Variants in SH3KBP1 observed in about 807,000 individuals in gnomAD.
SH3KBP1 encodes the protein SH3 domain-containing kinase-binding protein 1.
A neutral mutation model predicts 50.1 loss-of-function variants in SH3KBP1; 8 were observed. That is an observed-to-expected ratio of 0.16 (90% CI 0.09 to 0.29). The LOEUF is 0.29. Among genes scored for constraint, SH3KBP1 ranks in the 10% least tolerant of loss-of-function variants. The pLI is 1.00. For missense variants in SH3KBP1, 377 were observed against 535.2 expected, an observed-to-expected ratio of 0.70 and a Z score of 2.92; for synonymous variants, 227 against 218.6, an observed-to-expected ratio of 1.04 and a Z score of -0.34.
At chrX:19,775,889 C>T (rs2065956044) in intron 2 of SH3KBP1, among the ~76,000 whole-genome samples, 1 of 111,873 alleles carries the variant, frequency 8.9e-6, no homozygotes, top group African/African-American at 3.3e-5. Flanking sequence ...GATTTGCAAG[C>T]TACTTCACAT....
intron 13 of SH3KBP1, among the ~76,000 whole-genome samples, chrX:19,558,565 C>A (rs1360385804): frequency 2.7e-5 from 3 of 111,876 alleles, no homozygotes; most frequent in Non-Finnish European, 5.6e-5. Context: ...TTACATCCTT[C>A]CTTTTCCTCC....
At chrX:19,710,865 C>G (rs1276055544) in intron 3 of SH3KBP1, among the ~76,000 whole-genome samples, 1 of 110,875 alleles carries the variant, frequency 9.0e-6, no homozygotes, top group Non-Finnish European at 1.9e-5. Context: ...ACAGCACACC[C>G]TCAACTCTCT....
chrX:19,588,171 G>T, intron 12 of SH3KBP1: 1 of 341,342 alleles, frequency 2.9e-6, no homozygotes, highest in South Asian at 1.3e-4. Context: ...TCCATAACAG[G>T]CTGTACAGTG....
chrX:19,565,114 T>C (rs1273254967), intron 13 of SH3KBP1, among the ~76,000 whole-genome samples: 1 of 93,124 alleles, frequency 1.1e-5, no homozygotes, highest in Non-Finnish European at 2.1e-5. Flanking sequence ...CAGGCTGGAG[T>C]GCAGTGGTGC....
intron 15 of SH3KBP1, among the ~76,000 whole-genome samples, chrX:19,545,416 G>T (rs2065055952): frequency 8.9e-6 from 1 of 112,175 alleles, no homozygotes; most frequent in African/African-American, 3.2e-5. Flanking sequence ...TAAAATTAAA[G>T]TGTTTTTAGA....
At chrX:19,746,037 A>C (rs1427002135) in intron 3 of SH3KBP1, among the ~76,000 whole-genome samples, 1 of 112,949 alleles carries the variant, frequency 8.9e-6, no homozygotes, top group Non-Finnish European at 1.9e-5. Flanking sequence ...ATCCATAAAA[A>C]TAGATATGAA....
chrX:19,605,012 G>C (rs2067199614), intron 9 of SH3KBP1, among the ~76,000 whole-genome samples: 1 of 111,341 alleles, frequency 9.0e-6, no homozygotes, highest in Non-Finnish European at 1.9e-5. Flanking sequence ...GGGCCCCAGA[G>C]AGCGTGCATG....
chrX:19,617,320 C>T (rs114390812), intron 8 of SH3KBP1, among the ~76,000 whole-genome samples: 6,288 of 112,126 alleles, frequency 0.056, 448 homozygotes, highest in African/African-American at 0.19. Flanking sequence ...GACAGGAAGG[C>T]AAGTCTAATT....
At chrX:19,667,653 G>A (rs1264724294) in intron 6 of SH3KBP1, among the ~76,000 whole-genome samples, 6 of 110,385 alleles carry the variant, frequency 5.4e-5, no homozygotes, top group Non-Finnish European at 9.5e-5. Context: ...AGCATAAAAT[G>A]GCAAAGGCAG....
intron 6 of SH3KBP1, chrX:19,664,558 A>C (rs1453127027): frequency 8.9e-6 from 1 of 111,747 alleles, no homozygotes; most frequent in Admixed American, 9.5e-5. Flanking sequence ...CCTATGACTA[A>C]AGGTCATAGA....
intron 3 of SH3KBP1, among the ~76,000 whole-genome samples, chrX:19,737,121 C>T (rs7063646): frequency 0.15 from 16,071 of 109,662 alleles, 954 homozygotes; most frequent in African/African-American, 0.17. Flanking sequence ...CATGTTGCCC[C>T]GGCTGGTCTT....
intron 16 of SH3KBP1, 115 bp from the exon 17 acceptor site, chrX:19,537,895 T>C (rs2064766940): frequency 8.4e-6 from 5 of 596,879 alleles, no homozygotes; most frequent in Middle Eastern, 3.3e-4. Context: ...AAAGAAACTG[T>C]GGACAACACA....
At chrX:19,821,710 T>C (rs929917010) in intron 2 of SH3KBP1, among the ~76,000 whole-genome samples, 3 of 110,619 alleles carry the variant, frequency 2.7e-5, no homozygotes, top group Non-Finnish European at 5.7e-5. Flanking sequence ...TTTGTATTTT[T>C]AGTAGAGATG....
chrX:19,561,815 CT>C (rs769428738), intron 13 of SH3KBP1, among the ~76,000 whole-genome samples: 1,370 of 95,880 alleles, frequency 0.014, 11 homozygotes, highest in African/African-American at 0.02. Context: ...AATTGAAAGC[CT>C]TTTTTTTTTT....
intron 14 of SH3KBP1, 147 bp downstream of exon 14, chrX:19,549,827 T>C (rs73631350): frequency 0.019 from 8,385 of 438,815 alleles, 470 homozygotes; most frequent in African/African-American, 0.17. Context: ...AAATCACTTT[T>C]GGTTGGCAGT....
At chrX:19,856,951 C>CTTTT (rs758486199) in intron 1 of SH3KBP1, among the ~76,000 whole-genome samples, 209 of 20,046 alleles carry the variant, frequency 0.01, 61 homozygotes, top group Non-Finnish European at 0.015. Flanking sequence ...TAATACTAGT[C>CTTTT]TTTTTTTTTT....
At chrX:19,543,284 T>C (rs1218154898) in intron 15 of SH3KBP1, among the ~76,000 whole-genome samples, 2 of 111,063 alleles carry the variant, frequency 1.8e-5, no homozygotes, top group Admixed American at 1.9e-4. Flanking sequence ...GGCATCGAGA[T>C]TGTACCTTTC....
In SH3KBP1 at chrX:19,679,439, G is replaced by C. The variant is rs183081660; in HGVS notation, c.726+4384C>G. Among the ~76,000 whole-genome samples the C allele has an allele frequency of 1.1e-3, 124 of 112,046 alleles. 1 individual carries two copies. In the Admixed American group the frequency reaches 0.011, roughly 10 times the overall value. On this transcript the variant is annotated intron_variant, in intron 6 of 17. Coordinates refer to ENST00000397821, the MANE Select transcript of SH3KBP1 (RefSeq NM_031892.3). ...GTATTCCCATTTTACAGATGGCCCAGCTGAGGCCAACTTCATCGAGGTCAA... is the reference window on the plus strand; with the variant it reads ...GTATTCCCATTTTACAGATGGCCCACCTGAGGCCAACTTCATCGAGGTCAA...
chrX:19,761,209 G>A (rs1292737054), intron 2 of SH3KBP1, among the ~76,000 whole-genome samples: 2 of 65,200 alleles, frequency 3.1e-5, no homozygotes, highest in Non-Finnish European at 5.8e-5. Context: ...AGGGAGGGGG[G>A]GAAGAGAGAG....
Sources: gnomAD v4.1 joint callset for allele counts (sites outside exome capture counted in the v4.1 genomes callset) on GRCh38, gnomAD v4.1.1 for gene constraint, MANE v1.5 for transcripts, NCBI Gene and HGNC (gene_info 2026-07-23, HGNC 2026-07-21) for gene names.